Variants in PRR5 observed in about 807,000 individuals in gnomAD.
The protein encoded by PRR5 is proline rich 5, also known as proline-rich protein 5.
PRR5 carries 25 observed loss-of-function variants against 30.6 expected under a neutral mutation model. The ratio of observed to expected loss-of-function variants is 0.82; its 90% CI spans 0.60 to 1.14. The LOEUF is 1.14. PRR5 is among the 50% of genes most tolerant of loss of function. PRR5 has a pLI of 0.00. For synonymous variants in PRR5, 286 were observed against 247.1 expected, an observed-to-expected ratio of 1.16 and a Z score of -1.48; for missense variants, 600 against 547.1, an observed-to-expected ratio of 1.10 and a Z score of -0.96.
chr22:44,677,754 C>G (rs1439507136), intron 1 of PRR5, among the ~76,000 whole-genome samples: 1 of 152,180 alleles, frequency 6.6e-6, no homozygotes, highest in Non-Finnish European at 1.5e-5. Flanking sequence ...GCTGTGTGAC[C>G]TTGGACAGGT....
At position 44,691,818 on chromosome 22, in the gene PRR5, AG is replaced by A. The variant is rs1168744230; in HGVS notation, c.-10-10672del. 1.3e-5 allele frequency among the ~76,000 whole-genome samples: 2 copies of A among 150,498 alleles called. No individual in the cohort carries two copies. The highest frequency in any genetic ancestry group is 6.6e-5 in the Admixed American group (1 of 15,094). On this transcript the variant is annotated intron_variant, in intron 1 of 8. Coordinates refer to the PRR5 transcript ENST00000006251. The surrounding 1 kb of genome is among the most constrained non-coding windows in gnomAD (Gnocchi z 4.4). ...AAATCCACCAAGTTTTTTCCAGATGAGGACTCCTTGGTAGCAGAAGTGGGGG... is the reference window on the plus strand; with the variant it reads ...AAATCCACCAAGTTTTTTCCAGATGAGACTCCTTGGTAGCAGAAGTGGGGG...
chr22:44,725,208 T>C, intron 2 of PRR5, 36 bp from the exon 3 acceptor site: 1 of 1,613,000 alleles, frequency 6.2e-7, no homozygotes. Context: ...TGCCGTGTGG[T>C]CTGGGACTCA....
chr22:44,730,012 G>C, intron 4 of PRR5: 1 of 985,450 alleles, frequency 1.0e-6, no homozygotes, highest in Non-Finnish European at 1.2e-6. Flanking sequence ...CTCAGAGCCA[G>C]GTTTGGGCTA....
At chr22:44,684,380 C>CA (rs1054851818) in intron 1 of PRR5, among the ~76,000 whole-genome samples, 6 of 151,728 alleles carry the variant, frequency 4.0e-5, no homozygotes, top group South Asian at 2.1e-4. Flanking sequence ...CTGTCTCTAC[C>CA]AAAAAAAATA....
At chr22:44,692,589 C>G (rs1322465654) in intron 1 of PRR5, among the ~76,000 whole-genome samples, 1 of 152,180 alleles carries the variant, frequency 6.6e-6, no homozygotes, top group Non-Finnish European at 1.5e-5. Flanking sequence ...TCCCGGGGCT[C>G]CTCCTCCCAG....
intron 1 of PRR5, 26 bp downstream of exon 1, chr22:44,702,634 C>T (rs1477897381): frequency 4.7e-6 from 6 of 1,267,950 alleles, no homozygotes; most frequent in Non-Finnish European, 6.0e-6. Context: ...CCCGGCCACC[C>T]GGAGGCCCTG....
At position 44,702,577 on chromosome 22, in the gene PRR5, C is replaced by A; in HGVS notation, c.103C>A (p.Arg35Ser). 1 of 1,400,044 alleles carries A rather than the reference C, an allele frequency of 7.1e-7. No homozygotes were observed. Among genetic ancestry groups the A allele is most frequent in the Non-Finnish European group, 9.3e-7 (1 of 1,074,892 alleles). The allele number at this position is 1,400,044 out of a possible 1,614,324, so 86.7% of individuals were successfully genotyped here. The change falls in exon 1 of 8, where the codon CGC becomes AGC. Residue 35 changes from arginine (R) to serine (S), a missense_variant. Arg to Ser is a moderately radical substitution (Grantham distance 110). Transcript: ENST00000336985. ...CGCGGACGAGCGGGGCACGCAGCAG[C>A]GCCGGGCCTGCGCCAACGCCACCTG... ...AAADERGTQQ[R>S]RACANATWNS...
intron 1 of PRR5, among the ~76,000 whole-genome samples, chr22:44,709,881 G>A (rs146509585): frequency 2.1e-3 from 315 of 152,182 alleles, no homozygotes; most frequent in African/African-American, 7.3e-3. Context: ...AAGAACTTCC[G>A]ACCTCAGAAC....
chr22:44,731,607 G>A, intron 4 of PRR5, 123 bp from the exon 5 acceptor site: 1 of 906,154 alleles, frequency 1.1e-6, no homozygotes, highest in Non-Finnish European at 1.8e-6. Flanking sequence ...ACCTTGGGCA[G>A]GTGCTGCCAG....
At chr22:44,729,713 C>G in intron 4 of PRR5, 10 of 985,498 alleles carry the variant, frequency 1.0e-5, no homozygotes, top group Non-Finnish European at 1.2e-5. Flanking sequence ...AGCCGCGAGG[C>G]TGCCCTTCCT....
At chr22:44,734,097 C>G (rs898308791) in intron 6 of PRR5, 3 of 152,256 alleles carry the variant, frequency 2.0e-5, no homozygotes, top group African/African-American at 7.2e-5. Flanking sequence ...CATGGCGAAA[C>G]CCCGTCTCTA....
At chr22:44,732,207 G>T (rs757991334) in intron 5 of PRR5, 44 bp from the exon 6 acceptor site, 25 of 1,601,776 alleles carry the variant, frequency 1.6e-5, no homozygotes, top group Admixed American at 1.0e-4. Context: ...AGATGAGGAC[G>T]CATGTGACCA....
intron 1 of PRR5, among the ~76,000 whole-genome samples, chr22:44,669,825 G>GGGAGAGTGGTGAGTCCC (rs1050833846): frequency 2.0e-5 from 3 of 152,132 alleles, no homozygotes; most frequent in Admixed American, 1.3e-4. Flanking sequence ...TGCTCTTGGT[G>GGGAGAGTGGTGAGTCCC]GGAGAGTGGT....
chr22:44,669,383 G>A (rs1229949732), intron 1 of PRR5, among the ~76,000 whole-genome samples: 1 of 152,218 alleles, frequency 6.6e-6, no homozygotes, highest in African/African-American at 2.4e-5. Context: ...CTGGCTGGTA[G>A]CTGGCCCTGC....
At chr22:44,728,434 G>A (rs1038847318) in intron 4 of PRR5, among the ~76,000 whole-genome samples, 6 of 152,354 alleles carry the variant, frequency 3.9e-5, no homozygotes, top group South Asian at 2.1e-4. Flanking sequence ...TGCCCTTCAG[G>A]GACTCACAGC....
At chr22:44,719,761 G>A (rs886537507) in intron 2 of PRR5, among the ~76,000 whole-genome samples, 5 of 152,178 alleles carry the variant, frequency 3.3e-5, no homozygotes, top group African/African-American at 9.7e-5. Context: ...AGCTGGGGCC[G>A]CCTGCTCCCT....
upstream of PRR5, among the ~76,000 whole-genome samples, chr22:44,701,619 G>C (rs1260904361): frequency 6.6e-6 from 1 of 152,138 alleles, no homozygotes; most frequent in Non-Finnish European, 1.5e-5. Context: ...GGGAGATAAG[G>C]AGCAAACCCT....
At chr22:44,703,251 C>G (rs1377748794) in intron 1 of PRR5, among the ~76,000 whole-genome samples, 2 of 151,848 alleles carry the variant, frequency 1.3e-5, no homozygotes, top group African/African-American at 4.8e-5. Flanking sequence ...AGTGGAACTC[C>G]CCAGCGTCTC....
intron 7 of PRR5, among the ~76,000 whole-genome samples, chr22:44,735,865 C>T (rs932081244): frequency 3.3e-5 from 5 of 152,234 alleles, no homozygotes; most frequent in African/African-American, 1.2e-4. Context: ...AACCTGCCCA[C>T]TGGTGTGTCT....
Sources: allele counts gnomAD v4.1 joint callset (sites outside exome capture counted in the v4.1 genomes callset), GRCh38; gene constraint gnomAD v4.1.1; non-coding constraint Gnocchi (gnomAD v3.1); transcripts MANE v1.5; gene names NCBI Gene and HGNC (gene_info 2026-07-23, HGNC 2026-07-21).